Variants in EFHC2 observed in about 807,000 individuals in gnomAD.
EFHC2 encodes EF-hand domain containing 2.
EFHC2 carries 18 observed loss-of-function variants against 52.7 expected under a neutral mutation model. That is an observed-to-expected ratio of 0.34 (90% CI 0.24 to 0.51). The LOEUF (loss-of-function observed/expected upper bound fraction) is 0.51. EFHC2 is among the 20% of genes least tolerant of loss of function. EFHC2 has a pLI of 0.97. For synonymous variants in EFHC2, 203 were observed against 204.1 expected, an observed-to-expected ratio of 0.99 and a Z score of 0.04; for missense variants, 513 against 562.5, an observed-to-expected ratio of 0.91 and a Z score of 0.89.
chrX:44,281,965 A>AT (rs1008243840), intron 2 of EFHC2, among the ~76,000 whole-genome samples: 4 of 111,264 alleles, frequency 3.6e-5, no homozygotes, highest in Non-Finnish European at 7.5e-5. Context: ...TACGGATGAG[A>AT]TTTTAAGTTA....
At chrX:44,176,930 G>A (rs765473040) in intron 12 of EFHC2, among the ~76,000 whole-genome samples, 3 of 112,246 alleles carry the variant, frequency 2.7e-5, no homozygotes, top group Non-Finnish European at 5.6e-5. Flanking sequence ...CAGTCTTATG[G>A]GGGCAAAGAC....
At chrX:44,219,184 T>C (rs952767671) in intron 11 of EFHC2, among the ~76,000 whole-genome samples, 38 of 94,516 alleles carry the variant, frequency 4.0e-4, no homozygotes, top group African/African-American at 1.5e-3. Context: ...AAAAAATATA[T>C]ATCAGAACAG....
At chrX:44,283,564 G>A (rs1416184938) in intron 2 of EFHC2, among the ~76,000 whole-genome samples, 2 of 97,268 alleles carry the variant, frequency 2.1e-5, no homozygotes, top group Non-Finnish European at 4.0e-5. Context: ...CCGGGAAGTT[G>A]CACAGCGCAA....
intron 13 of EFHC2, among the ~76,000 whole-genome samples, chrX:44,173,641 A>G (rs1424025456): frequency 8.9e-6 from 1 of 111,844 alleles, no homozygotes. Context: ...GCACAATTAG[A>G]GGCAAAGTTA....
intron 13 of EFHC2, among the ~76,000 whole-genome samples, chrX:44,172,062 C>T (rs186766942): frequency 2.7e-3 from 300 of 111,941 alleles, no homozygotes; most frequent in Middle Eastern, 4.6e-3. Context: ...GCTGGGTAGA[C>T]TATAATGAGA....
At position 44,176,353 on chromosome X, in the gene EFHC2, T is replaced by A; in HGVS notation, c.1981A>T (p.Arg661Trp). 1 of 1,197,604 alleles carries A rather than the reference T, an allele frequency of 8.4e-7. No homozygotes were observed. Among genetic ancestry groups the A allele is most frequent in the African/African-American group, 1.7e-5 (1 of 57,541 alleles). The stretch of plus-strand genomic sequence containing the variant: ...GGTAATCTGGAGGATTTGCACAGCC[T>A]TTTAATGTCTTTGGTGGGTAATACA... ...KNVLPTKDIK[R>W]LCKSSRLPLS... The change falls in exon 13 of 15, where the codon AGG (arginine) becomes TGG (tryptophan). Residue 661 changes from arginine to tryptophan, a missense_variant. Physicochemically the swap from Arg to Trp is moderately radical, Grantham distance 101. Transcript: ENST00000420999.
chrX:44,149,538 C>T (rs1307736251), intron 14 of EFHC2, among the ~76,000 whole-genome samples: 1 of 111,393 alleles, frequency 9.0e-6, no homozygotes, highest in African/African-American at 3.3e-5. Flanking sequence ...TTTTTAAAGA[C>T]AGGGTATCAC....
chrX:44,293,353 A>G (rs1032083285), intron 2 of EFHC2, among the ~76,000 whole-genome samples: 6 of 111,463 alleles, frequency 5.4e-5, no homozygotes, highest in African/African-American at 1.3e-4. Context: ...TTATGGATGC[A>G]TATGGCTCTA....
At chrX:44,149,311 A>G (rs2036550819) in intron 14 of EFHC2, among the ~76,000 whole-genome samples, 1 of 111,561 alleles carries the variant, frequency 9.0e-6, no homozygotes, top group South Asian at 3.8e-4. Context: ...TCTTAGAATG[A>G]CCAAGGTGGA....
rs187765856 is a variant in EFHC2, at chrX:44,236,051, G to A, written c.1281-604C>T. On this transcript the variant is annotated intron_variant, in intron 8 of 14. Coordinates refer to ENST00000420999, the MANE Select transcript of EFHC2 (RefSeq NM_025184.4). The stretch of plus-strand genomic sequence containing the variant: ...TTTTTTTAAATAGTGCTTATCACTC[G>A]TATTGTAAGCCATTACAAGTCTGTT... 6.5e-5 allele frequency among the ~76,000 whole-genome samples: 7 copies of A among 106,996 alleles called. No homozygotes were observed. In the East Asian group the frequency reaches 1.7e-3, roughly 27 times the overall value. 92.9% of individuals were successfully genotyped at this position (106,996 alleles called of 115,157 possible). A position where few individuals can be genotyped will look rare whatever the true frequency, so the allele number is the denominator to read the frequency against.
At chrX:44,251,658 G>GA (rs1241980352) in intron 4 of EFHC2, among the ~76,000 whole-genome samples, 1 of 34,769 alleles carries the variant, frequency 2.9e-5, no homozygotes, top group Non-Finnish European at 5.9e-5. Context: ...ATTAAAAAAA[G>GA]AAAAAACTAT....
intron 2 of EFHC2, among the ~76,000 whole-genome samples, chrX:44,277,027 A>G (rs907214518): frequency 2.7e-5 from 3 of 111,030 alleles, no homozygotes; most frequent in Admixed American, 9.6e-5. Context: ...TCGGAGGCCG[A>G]GGCGGGCGGA....
At chrX:44,262,309 A>G (rs1195092556) in intron 3 of EFHC2, among the ~76,000 whole-genome samples, 2 of 108,838 alleles carry the variant, frequency 1.8e-5, no homozygotes, top group African/African-American at 6.7e-5. Context: ...AGCCTGGGCA[A>G]CATGGCAAAA....
intron 10 of EFHC2, among the ~76,000 whole-genome samples, chrX:44,230,623 T>C (rs754203103): frequency 1.1e-4 from 12 of 111,543 alleles, no homozygotes; most frequent in African/African-American, 2.9e-4. Context: ...GCTTAGAATG[T>C]CTTTGTTAAG....
chrX:44,193,165 T>C (rs776099340), intron 11 of EFHC2, among the ~76,000 whole-genome samples: 9 of 111,076 alleles, frequency 8.1e-5, no homozygotes, highest in Non-Finnish European at 1.7e-4. Flanking sequence ...CAGACAATCC[T>C]TTCTATTGGT....
At position 44,282,524 on chromosome X, in the gene EFHC2, G is replaced by A. The variant is rs1444329861; in HGVS notation, c.232-9688C>T. ...CCAGCTACTTGGGAGGCACAGGCAGGAGAATCACTTGAACCCAGGAGGTGG... is the reference window on the plus strand; with the variant it reads ...CCAGCTACTTGGGAGGCACAGGCAGAAGAATCACTTGAACCCAGGAGGTGG... On this transcript the variant is annotated intron_variant, in intron 2 of 14. Transcript: ENST00000420999. Among the ~76,000 whole-genome samples the A allele has an allele frequency of 1.3e-4, 12 of 92,439 alleles. No individual in the cohort carries two copies. The East Asian group carries it at 4.5e-3, about 34-fold the overall frequency. 80.3% of individuals were successfully genotyped at this position (92,439 alleles called of 115,157 possible).
intron 2 of EFHC2, among the ~76,000 whole-genome samples, chrX:44,303,697 A>T (rs1314086903): frequency 2.7e-5 from 3 of 110,761 alleles, no homozygotes; most frequent in Non-Finnish European, 5.7e-5. Flanking sequence ...ATTTATTTTT[A>T]TATTGTTCAA....
In EFHC2 at chrX:44,240,961, A is replaced by G. The variant is rs1337374855; in HGVS notation, c.1280+1160T>C. On this transcript the variant is annotated intron_variant, in intron 8 of 14. Transcript: ENST00000420999. ...GCAAAGGCAGACTTTAAGACATTCT[A>G]TATAATTCTTAATCAATTTTTACCA... Among the ~76,000 whole-genome samples, 3 of 112,360 alleles carry G rather than the reference A, an allele frequency of 2.7e-5. No homozygotes were observed. In the East Asian group the frequency reaches 8.4e-4, roughly 31 times the overall value.
chrX:44,316,069 C>T (rs2037981149), intron 1 of EFHC2, among the ~76,000 whole-genome samples: 1 of 111,484 alleles, frequency 9.0e-6, no homozygotes, highest in Admixed American at 9.5e-5. Flanking sequence ...CACAAGTTTC[C>T]TCCATGGATC....
Sources: gnomAD v4.1 joint callset for allele counts (sites outside exome capture counted in the v4.1 genomes callset) on GRCh38, gnomAD v4.1.1 for gene constraint, MANE v1.5 for transcripts, NCBI Gene and HGNC (gene_info 2026-07-23, HGNC 2026-07-21) for gene names.